NBPF20: variants seen among roughly 807,000 people sequenced by gnomAD.
NBPF20 encodes NBPF member 20.
A neutral mutation model predicts 68.1 loss-of-function variants in NBPF20; 90 were observed. That is an observed-to-expected ratio of 1.32 (90% confidence interval 1.11 to 1.58). The LOEUF (loss-of-function observed/expected upper bound fraction) is 1.58. Ranked by LOEUF, NBPF20 falls within the 40% of genes most tolerant of loss-of-function variation. NBPF20 has a pLI of 0.00. For missense variants in NBPF20, 816 were observed against 601.2 expected, an observed-to-expected ratio of 1.36 and a Z score of -3.74; for synonymous variants, 290 against 228.1, an observed-to-expected ratio of 1.27 and a Z score of -2.45.
the NBPF20 span, among the ~76,000 whole-genome samples, chr1:145,411,923 G>A: frequency 1.4e-5 from 1 of 70,744 alleles, no homozygotes; most frequent in African/African-American, 6.8e-5. Flanking sequence ...CAGACCGCAC[G>A]GCCCCAGAGT....
At chr1:145,394,678 G>T (rs1662127880) in intron 8 of NBPF20, among the ~76,000 whole-genome samples, 1 of 151,970 alleles carries the variant, frequency 6.6e-6, no homozygotes, top group Non-Finnish European at 1.5e-5. Flanking sequence ...GACAACTCCT[G>T]GGCATGTGCT....
intron 7 of NBPF20, among the ~76,000 whole-genome samples, chr1:145,395,779 AC>A (rs1662207333): frequency 6.7e-6 from 1 of 148,670 alleles, no homozygotes; most frequent in African/African-American, 2.6e-5. Context: ...TAGAAGGAAA[AC>A]TAACACACAG....
At chr1:145,394,296 G>A (rs1398543235) in intron 8 of NBPF20, among the ~76,000 whole-genome samples, 2 of 151,530 alleles carry the variant, frequency 1.3e-5, no homozygotes, top group African/African-American at 4.9e-5. Context: ...CCCAGAATTT[G>A]ATAGTTTATG....
upstream of NBPF20, among the ~76,000 whole-genome samples, chr1:145,409,701 C>A (rs1389323441): frequency 2.0e-5 from 3 of 151,250 alleles, no homozygotes; most frequent in Non-Finnish European, 4.4e-5. Flanking sequence ...AGCACCTAGA[C>A]CCATTTAGAT....
At chr1:145,393,479 A>C (rs1372407007) in intron 9 of NBPF20, among the ~76,000 whole-genome samples, 10 of 151,856 alleles carry the variant, frequency 6.6e-5, no homozygotes, top group African/African-American at 2.2e-4. Context: ...ACACACACAC[A>C]CACACACACA....
chr1:145,393,762 A>C lies in NBPF20; in HGVS notation c.1043+122T>G, dbSNP rs1662064357. On this transcript the variant is annotated intron_variant, in intron 9 of 137. Coordinates refer to ENST00000369373, the Ensembl canonical transcript of NBPF20. ...AATGAGAACCAGAAAGCAATGTAGT[A>C]GGCATAATTCAGACTTGTCTGACAA... 6 of 1,504,436 alleles carry C rather than the reference A, an allele frequency of 4.0e-6. No homozygotes were observed. In the South Asian group the frequency reaches 6.7e-5, roughly 17 times the overall value. The allele number at this position is 1,504,436 out of a possible 1,614,324, so 93.2% of individuals were successfully genotyped here.
intron 7 of NBPF20, among the ~76,000 whole-genome samples, chr1:145,396,246 T>C (rs1553663803): frequency 1.3e-4 from 19 of 150,828 alleles, no homozygotes; most frequent in South Asian, 2.1e-4. Context: ...GTGCAAGAAA[T>C]GGTATCAGTG....
intron 6 of NBPF20, 151 bp downstream of exon 11, chr1:145,400,238 A>C (rs1210851278): frequency 7.0e-5 from 103 of 1,478,682 alleles, no homozygotes; most frequent in Non-Finnish European, 9.1e-5. Flanking sequence ...TCATGACATT[A>C]GCTGAGAAGG....
chr1:145,409,808 C>T (rs1662936575), upstream of NBPF20, among the ~76,000 whole-genome samples: 1 of 151,756 alleles, frequency 6.6e-6, no homozygotes, highest in Non-Finnish European at 1.5e-5. Context: ...TGAATGCACA[C>T]TTCCACATAC....
chr1:145,393,360 C>T, intron 9 of NBPF20, 114 bp from the exon 15 acceptor site: 1 of 705,798 alleles, frequency 1.4e-6, no homozygotes, highest in Non-Finnish European at 2.6e-6. Context: ...AGGACAGATC[C>T]ATTAATGAGG....
Position 145,405,095 on chromosome 1 carries a change from T to C in NBPF20, c.175+3A>G. The C allele has an allele frequency of 6.2e-7, 1 of 1,613,466 alleles. No individual in the cohort carries two copies. Among genetic ancestry groups the C allele is most frequent in the Non-Finnish European group, 8.5e-7 (1 of 1,179,898 alleles). Reference sequence around the variant, plus strand: ...TTCATGATGGTGAGCCTATAGATCTTACTGTATTTCTTCTGCTGGTTGGCC... The same window carrying C: ...TTCATGATGGTGAGCCTATAGATCTCACTGTATTTCTTCTGCTGGTTGGCC... On this transcript the variant is annotated splice_donor_region_variant and intron_variant, in intron 2 of 137. Transcript: ENST00000369373.
exon 138 of NBPF20, chr1:145,291,718 T>G (rs782085156): frequency 3.1e-6 from 5 of 1,611,924 alleles, no homozygotes; most frequent in South Asian, 1.1e-5. Flanking sequence ...ATCCATCCAG[T>G]GAGTCCTGTA....
intron 73 of NBPF20, among the ~76,000 whole-genome samples, 199 bp from the exon 79 acceptor site, chr1:145,342,758 C>G (rs1235534803): frequency 8.6e-6 from 1 of 115,942 alleles, no homozygotes; most frequent in Non-Finnish European, 1.8e-5. Flanking sequence ...GACAGATAGA[C>G]ACACACACAC....
Position 145,401,017 on chromosome 1 carries a change from T to A in NBPF20, c.566+42A>T, listed in dbSNP as rs1662497286. On this transcript the variant is annotated intron_variant, in intron 5 of 137. Coordinates refer to ENST00000369373, the Ensembl canonical transcript of NBPF20. ...GGGTGTGCCTCCTAGATATTCCTCATATGTTACCATCCATTAATTGTTCCT... is the reference window on the plus strand; with the variant it reads ...GGGTGTGCCTCCTAGATATTCCTCAAATGTTACCATCCATTAATTGTTCCT... 3 of 1,524,314 alleles carry A rather than the reference T, an allele frequency of 2.0e-6. No individual in the cohort carries two copies. In the South Asian group the frequency reaches 3.4e-5, roughly 17 times the overall value. The allele number at this position is 1,524,314 out of a possible 1,614,324, so 94.4% of individuals were successfully genotyped here.
At chr1:145,410,726 G>C in the NBPF20 span, among the ~76,000 whole-genome samples, 22 of 140,700 alleles carry the variant, frequency 1.6e-4, no homozygotes, top group Non-Finnish European at 2.9e-4. Context: ...GTGTGTGTGT[G>C]TGCCTGTCTG....
intron 9 of NBPF20, among the ~76,000 whole-genome samples, chr1:145,393,493 A>T (rs79269440): frequency 6.6e-6 from 1 of 150,468 alleles, no homozygotes; most frequent in Non-Finnish European, 1.5e-5. Context: ...ACACACACAG[A>T]GCGAGCTCAG....
chr1:145,405,221 G>A (rs1553666849), exon 2 of NBPF20: 1 of 1,611,350 alleles, frequency 6.2e-7, no homozygotes, highest in Non-Finnish European at 8.5e-7. Flanking sequence ...TTGATTTCTA[G>A]AATGTTCATC....
At chr1:145,406,234 G>A (rs587704184), upstream of NBPF20, among the ~76,000 whole-genome samples, 46 of 151,796 alleles carry the variant, frequency 3.0e-4, no homozygotes, top group Admixed American at 7.2e-4. Flanking sequence ...GCGCCCGGCC[G>A]ACTTCTCTTT....
intron 7 of NBPF20, among the ~76,000 whole-genome samples, chr1:145,396,704 C>CT (rs1166379226): frequency 3.2e-4 from 45 of 142,724 alleles, no homozygotes; most frequent in Non-Finnish European, 5.0e-4. Flanking sequence ...ATTCAACATT[C>CT]TTTTTTTTTT....
Sources: gnomAD v4.1 joint callset for allele counts (sites outside exome capture counted in the v4.1 genomes callset) on GRCh38, gnomAD v4.1.1 for gene constraint, MANE v1.5 for transcripts, NCBI Gene and HGNC (gene_info 2026-07-23, HGNC 2026-07-21) for gene names.